The following SRGAP2B variants were observed in gnomAD, a reference collection of about 807,000 sequenced individuals.
The protein encoded by SRGAP2B is SLIT-ROBO Rho GTPase-activating protein 2B.
SRGAP2B carries 9 observed loss-of-function variants against 22.2 expected under a neutral mutation model. That is an observed-to-expected ratio of 0.41 (90% CI 0.24 to 0.71). SRGAP2B has a LOEUF of 0.71. Ranked by LOEUF, SRGAP2B falls within the 30% of genes least tolerant of loss-of-function variation. SRGAP2B has a pLI of 0.35. For synonymous variants in SRGAP2B, 36 were observed against 87.4 expected (o/e 0.41, Z 3.28); for missense variants, 114 against 235.8 (o/e 0.48, Z 3.38).
chr1:145,011,789 C>T (rs1319021516), intron 2 of SRGAP2B, among the ~76,000 whole-genome samples: 4 of 149,448 alleles, frequency 2.7e-5, no homozygotes, highest in Non-Finnish European at 2.9e-5. Flanking sequence ...GTCTTGCTGC[C>T]TCCTCCCTTG....
intron 2 of SRGAP2B, among the ~76,000 whole-genome samples, chr1:145,002,588 A>G (rs1174333174): frequency 6.7e-6 from 1 of 148,568 alleles, no homozygotes; most frequent in African/African-American, 2.6e-5. Context: ...TATATAAAAA[A>G]GAAACAAACA....
chr1:144,916,079 C>CT (rs1327558405), intron 4 of SRGAP2B, among the ~76,000 whole-genome samples: 6 of 149,400 alleles, frequency 4.0e-5, no homozygotes, highest in Non-Finnish European at 5.9e-5. Context: ...TTAAAAAATA[C>CT]TTTTTTTTCT....
intron 2 of SRGAP2B, among the ~76,000 whole-genome samples, chr1:145,017,850 G>A (rs1672539474): frequency 6.6e-6 from 1 of 150,660 alleles, no homozygotes; most frequent in African/African-American, 2.5e-5. Context: ...AAGGCTCACA[G>A]TAAAGATTTC....
chr1:144,997,134 A>G (rs1315822205), intron 2 of SRGAP2B, among the ~76,000 whole-genome samples: 1 of 150,528 alleles, frequency 6.6e-6, no homozygotes, highest in Non-Finnish European at 1.5e-5. Flanking sequence ...CCATCCGTTC[A>G]GTAAGAACCA....
chr1:144,992,883 A>T (rs4844766), intron 3 of SRGAP2B, among the ~76,000 whole-genome samples: 36 of 149,656 alleles, frequency 2.4e-4, no homozygotes, highest in African/African-American at 9.2e-4. Flanking sequence ...AAGATCAAAC[A>T]AACTTATACA....
In SRGAP2B at chr1:145,081,197, G is replaced by C. The variant is rs1425848101; in HGVS notation, c.67+11638C>G. Among the ~76,000 whole-genome samples, 2 of 148,588 alleles carry C rather than the reference G, an allele frequency of 1.3e-5. 1 individual carries two copies. The highest frequency in any genetic ancestry group is 5.1e-5 in the African/African-American group (2 of 38,948). On this transcript the variant is annotated intron_variant, in intron 2 of 9. Transcript: ENST00000612199. ...AGAGCAAGTTATTTAACCTCACTGT[G>C]CGTCATCTGTAAAATGGGGATAATA...
intron 3 of SRGAP2B, among the ~76,000 whole-genome samples, chr1:144,984,328 A>C (rs12123083): frequency 3.2e-5 from 4 of 125,294 alleles, no homozygotes; most frequent in Non-Finnish European, 4.8e-5. Context: ...CTAAAAAAAA[A>C]CCCAAACAAC....
chr1:145,047,127 G>A (rs1169852558), intron 2 of SRGAP2B, among the ~76,000 whole-genome samples: 1 of 134,610 alleles, frequency 7.4e-6, no homozygotes, highest in African/African-American at 3.0e-5. Flanking sequence ...AATGAGCCAA[G>A]ATCGCACCAC....
chr1:144,960,470 G>T (rs1445566587), intron 3 of SRGAP2B, among the ~76,000 whole-genome samples: 1 of 150,200 alleles, frequency 6.7e-6, no homozygotes, highest in Non-Finnish European at 1.5e-5. Flanking sequence ...TAGCTTCGAA[G>T]ACATTAGCCC....
rs1161995137 is a variant in SRGAP2B, at chr1:144,913,352, AG to A, written c.486+1339del. ...CTTAGAGAATTCTCTGCTAGGAGAA[AG>A]GAGTAATAGCTCTTCTTGGCGCTTA... is the stretch of plus-strand genomic sequence containing the variant. On this transcript the variant is annotated intron_variant, in intron 5 of 9. Coordinates refer to ENST00000612199, the Ensembl canonical transcript of SRGAP2B. Among the ~76,000 whole-genome samples the A allele has an allele frequency of 9.3e-5, 14 of 150,012 alleles. 1 individual carries two copies. Among genetic ancestry groups the A allele is most frequent in the African/African-American group, 3.5e-4 (14 of 39,696 alleles).
At chr1:145,005,987 T>A (rs1553621003) in intron 2 of SRGAP2B, among the ~76,000 whole-genome samples, 1 of 150,860 alleles carries the variant, frequency 6.6e-6, no homozygotes, top group Non-Finnish European at 1.5e-5. Context: ...TGAACACAAC[T>A]ACCTTGCTGC....
At chr1:144,984,370 A>ACC (rs1553615559) in intron 3 of SRGAP2B, among the ~76,000 whole-genome samples, 2 of 146,322 alleles carry the variant, frequency 1.4e-5, no homozygotes, top group African/African-American at 5.3e-5. Context: ...AACAACAAAA[A>ACC]AAAAAAAACA....
At chr1:145,045,328 A>G (rs1166494278) in intron 2 of SRGAP2B, among the ~76,000 whole-genome samples, 12 of 143,892 alleles carry the variant, frequency 8.3e-5, no homozygotes, top group South Asian at 2.3e-4. Context: ...GAAAGAAAAG[A>G]GAAAGAAAGA....
intron 2 of SRGAP2B, among the ~76,000 whole-genome samples, chr1:145,000,005 C>T (rs1169385185): frequency 6.7e-6 from 1 of 149,944 alleles, no homozygotes; most frequent in Non-Finnish European, 1.5e-5. Context: ...ATAGCATATT[C>T]TGTTGAGCAC....
intron 4 of SRGAP2B, among the ~76,000 whole-genome samples, chr1:144,944,038 G>A (rs587689219): frequency 2.0e-5 from 3 of 149,520 alleles, no homozygotes; most frequent in Non-Finnish European, 4.4e-5. Context: ...TTTCTAAGAC[G>A]AAGGGCAAAA....
chr1:145,058,107 A>C lies in SRGAP2B; in HGVS notation c.67+34728T>G, dbSNP rs1245570827. Among the ~76,000 whole-genome samples the C allele has an allele frequency of 1.3e-4, 20 of 149,772 alleles. 1 individual carries two copies. The highest frequency in any genetic ancestry group is 2.1e-4 in the Non-Finnish European group (14 of 67,780). The stretch of plus-strand genomic sequence containing the variant: ...TGGGAAACGCATAGGCTTTAGAGGC[A>C]GACTTTGGGATCCTGGATCCCAGTT... On this transcript the variant is annotated intron_variant, in intron 2 of 9. Coordinates refer to ENST00000612199, the Ensembl canonical transcript of SRGAP2B.
chr1:144,931,771 T>C lies in SRGAP2B; in HGVS notation c.424-17017A>G, dbSNP rs1185396596. ...CAAGGGGTTACCCAGCTAGAAAGCA[T>C]TACTGCTTTCCCACTGACCAGGGCA... On this transcript the variant is annotated intron_variant, in intron 4 of 9. Transcript: ENST00000612199. Among the ~76,000 whole-genome samples the C allele has an allele frequency of 1.3e-3, 181 of 142,562 alleles. 2 individuals are homozygous for C. In the East Asian group the frequency reaches 0.034, roughly 27 times the overall value. 93.5% of individuals were successfully genotyped at this position (142,562 alleles called of 152,430 possible).
At chr1:144,971,540 C>A (rs587606562) in intron 3 of SRGAP2B, among the ~76,000 whole-genome samples, 2 of 150,918 alleles carry the variant, frequency 1.3e-5, no homozygotes, top group South Asian at 2.1e-4. Context: ...AGCAATCCTC[C>A]CGCCTCAGCC....
intron 2 of SRGAP2B, among the ~76,000 whole-genome samples, chr1:145,017,184 C>G (rs1311483458): frequency 2.1e-5 from 3 of 145,420 alleles, no homozygotes; most frequent in Non-Finnish European, 4.5e-5. Context: ...CCCAACTCAG[C>G]CTCCCAAAGT....
Sources: allele counts gnomAD v4.1 joint callset (sites outside exome capture counted in the v4.1 genomes callset), GRCh38; gene constraint gnomAD v4.1.1; transcripts MANE v1.5; gene names NCBI Gene and HGNC (gene_info 2026-07-23, HGNC 2026-07-21).